The following CNTNAP2 variants were observed in gnomAD, a reference collection of about 807,000 sequenced individuals.
CNTNAP2 encodes the protein contactin associated protein 2.
CNTNAP2 carries 98 observed loss-of-function variants against 155.2 expected under a neutral mutation model. The ratio of observed to expected loss-of-function variants is 0.63; its 90% CI spans 0.54 to 0.75. The LOEUF is 0.75. CNTNAP2 is among the 30% of genes least tolerant of loss of function. The pLI is 0.00. For synonymous variants in CNTNAP2, 651 were observed against 631.2 expected (o/e 1.03, Z -0.47); for missense variants, 1,727 against 1,688.1 (o/e 1.02, Z -0.40).
At position 147,354,635 on chromosome 7, in the gene CNTNAP2, A is replaced by G. The variant is rs1338650455; in HGVS notation, c.1499-40974A>G. 2.6e-5 allele frequency among the ~76,000 whole-genome samples: 4 copies of G among 152,186 alleles called. No homozygotes were observed. In the East Asian group the frequency reaches 7.8e-4, roughly 29 times the overall value. Reference sequence around the variant, plus strand: ...GCTACATGGGCTCTTTTTTGGTTCCATATGAAATTTAAAGTAGTTTTTTCT... The same window carrying G: ...GCTACATGGGCTCTTTTTTGGTTCCGTATGAAATTTAAAGTAGTTTTTTCT... On this transcript the variant is annotated intron_variant, in intron 9 of 23. Coordinates refer to ENST00000361727, the MANE Select transcript of CNTNAP2 (RefSeq NM_014141.6).
chr7:147,523,048 G>A lies in CNTNAP2; in HGVS notation c.1777+37007G>A, dbSNP rs191600960. On this transcript the variant is annotated intron_variant, in intron 11 of 23. Transcript: ENST00000361727. Reference sequence around the variant, plus strand: ...CAGTGTCTGTGGGTCAAGATTTCAGGCACAGCTTAGCTGAGTGCCTGTGGC... The same window carrying A: ...CAGTGTCTGTGGGTCAAGATTTCAGACACAGCTTAGCTGAGTGCCTGTGGC... 1.2e-3 allele frequency among the ~76,000 whole-genome samples: 185 copies of A among 152,226 alleles called. 1 individual carries two copies. In the Middle Eastern group the frequency reaches 0.017, roughly 14 times the overall value.
At chr7:147,567,349 A>G (rs1008720570) in intron 12 of CNTNAP2, among the ~76,000 whole-genome samples, 3 of 152,202 alleles carry the variant, frequency 2.0e-5, no homozygotes, top group Non-Finnish European at 4.4e-5. Flanking sequence ...AGCAGTTGAA[A>G]GTTTGTCCTG....
chr7:147,845,042 T>C (rs1412233851), intron 13 of CNTNAP2, among the ~76,000 whole-genome samples: 1 of 94,456 alleles, frequency 1.1e-5, no homozygotes, highest in Non-Finnish European at 2.1e-5. Flanking sequence ...TCAAGGATAT[T>C]GGTCTAAAAT....
chr7:148,191,940 G>A (rs937474925), intron 18 of CNTNAP2, among the ~76,000 whole-genome samples: 2 of 152,204 alleles, frequency 1.3e-5, no homozygotes, highest in Non-Finnish European at 2.9e-5. Flanking sequence ...AGAAACAAAA[G>A]ATTGCACTGG....
At chr7:146,937,288 T>C (rs1337832815) in intron 3 of CNTNAP2, among the ~76,000 whole-genome samples, 1 of 151,000 alleles carries the variant, frequency 6.6e-6, no homozygotes, top group Non-Finnish European at 1.5e-5. Context: ...GAGGTGGAGT[T>C]TGCAGTGAGC....
intron 21 of CNTNAP2, among the ~76,000 whole-genome samples, chr7:148,285,521 G>A (rs530036987): frequency 7.9e-4 from 121 of 152,352 alleles, no homozygotes; most frequent in African/African-American, 2.6e-3. Context: ...AACTAGACAG[G>A]TACTATGGAG....
intron 9 of CNTNAP2, among the ~76,000 whole-genome samples, chr7:147,330,509 T>C (rs78002047): frequency 0.015 from 2,323 of 152,290 alleles, 55 homozygotes; most frequent in African/African-American, 0.052. Flanking sequence ...GGGTTGGACT[T>C]ATGATTGGCA....
At position 147,765,342 on chromosome 7, in the gene CNTNAP2, C is replaced by T. The variant is rs909455728; in HGVS notation, c.2098+126036C>T. Among the ~76,000 whole-genome samples, 22 of 152,238 alleles carry T rather than the reference C, an allele frequency of 1.4e-4. 1 individual carries two copies. Among genetic ancestry groups the T allele is most frequent in the Non-Finnish European group, 3.1e-4 (21 of 67,996 alleles). On this transcript the variant is annotated intron_variant, in intron 13 of 23. Transcript: ENST00000361727. Reference sequence around the variant, plus strand: ...GCCCATCTAGAAGACATTCAGTAATCACATGGTGAATAAATACATGGAAAT... The same window carrying T: ...GCCCATCTAGAAGACATTCAGTAATTACATGGTGAATAAATACATGGAAAT...
intron 9 of CNTNAP2, among the ~76,000 whole-genome samples, chr7:147,341,879 A>T (rs998886420): frequency 6.6e-6 from 1 of 152,196 alleles, no homozygotes; most frequent in Non-Finnish European, 1.5e-5. Flanking sequence ...TAATGCATTA[A>T]GTATATACAT....
chr7:147,518,519 C>G (rs1228857238), intron 11 of CNTNAP2, among the ~76,000 whole-genome samples: 1 of 152,172 alleles, frequency 6.6e-6, no homozygotes, highest in African/African-American at 2.4e-5. Context: ...GAACATATGT[C>G]TGTCAAAGGC....
At chr7:147,849,041 T>C (rs1798872701) in intron 13 of CNTNAP2, among the ~76,000 whole-genome samples, 1 of 152,206 alleles carries the variant, frequency 6.6e-6, no homozygotes, top group Admixed American at 6.5e-5. Context: ...TGAAAATTGT[T>C]CAGTAAAATT....
chr7:146,872,699 A>G (rs983843557), intron 3 of CNTNAP2, among the ~76,000 whole-genome samples: 3 of 152,230 alleles, frequency 2.0e-5, no homozygotes, highest in African/African-American at 7.2e-5. Flanking sequence ...TTGTATACAC[A>G]TTAGGAGATA....
chr7:148,335,101 T>A (rs1382288200), intron 21 of CNTNAP2, among the ~76,000 whole-genome samples: 1 of 152,182 alleles, frequency 6.6e-6, no homozygotes, highest in Non-Finnish European at 1.5e-5. Flanking sequence ...ATTTGTATTC[T>A]GCCAACCAAG....
At chr7:146,547,535 G>C (rs958824398) in intron 1 of CNTNAP2, among the ~76,000 whole-genome samples, 2 of 151,872 alleles carry the variant, frequency 1.3e-5, no homozygotes, top group African/African-American at 4.8e-5. Flanking sequence ...TATGGTCTTT[G>C]ATTTGGCTAT....
chr7:147,537,510 A>G (rs898988689), intron 11 of CNTNAP2, among the ~76,000 whole-genome samples: 20 of 152,272 alleles, frequency 1.3e-4, no homozygotes, highest in Admixed American at 1.2e-3. Flanking sequence ...ATCAAATGCA[A>G]TATGTAATAG....
At chr7:147,547,703 G>T (rs1487839091) in intron 11 of CNTNAP2, among the ~76,000 whole-genome samples, 1 of 151,778 alleles carries the variant, frequency 6.6e-6, no homozygotes, top group South Asian at 2.1e-4. Context: ...ATAGGTCTAC[G>T]TGTGCCATGG....
intron 14 of CNTNAP2, among the ~76,000 whole-genome samples, chr7:147,976,396 A>C (rs1029097513): frequency 6.6e-6 from 1 of 152,202 alleles, no homozygotes; most frequent in African/African-American, 2.4e-5. Context: ...ATTGTAATTC[A>C]TAAGACTTCT....
chr7:147,966,376 A>T (rs1419122187), intron 14 of CNTNAP2, among the ~76,000 whole-genome samples: 1 of 152,136 alleles, frequency 6.6e-6, no homozygotes, highest in Non-Finnish European at 1.5e-5. Flanking sequence ...GGGAGTGGAG[A>T]GTCCGATTAT....
intron 15 of CNTNAP2, among the ~76,000 whole-genome samples, chr7:148,018,642 G>T (rs967414082): frequency 6.6e-6 from 1 of 152,178 alleles, no homozygotes; most frequent in East Asian, 1.9e-4. Context: ...CCTTTTACTC[G>T]GTAGCAAAAG....
Sources: allele counts gnomAD v4.1 joint callset (sites outside exome capture counted in the v4.1 genomes callset), GRCh38; gene constraint gnomAD v4.1.1; transcripts MANE v1.5; gene names NCBI Gene and HGNC (gene_info 2026-07-23, HGNC 2026-07-21).